PDE3B: variants seen among roughly 807,000 people sequenced by gnomAD.
PDE3B encodes the protein phosphodiesterase 3B, also known as cGMP-inhibited 3',5'-cyclic phosphodiesterase 3B.
In PDE3B, 66 loss-of-function variants were observed where a neutral mutation model predicts 116.8. That is an observed-to-expected ratio of 0.56 (90% CI 0.46 to 0.69). PDE3B has a LOEUF of 0.69. PDE3B is among the 30% of genes least tolerant of loss of function. PDE3B has a pLI of 0.00. For missense variants in PDE3B, 1,384 were observed against 1,368.1 expected (o/e 1.01, Z -0.18); for synonymous variants, 595 against 533.6 (o/e 1.12, Z -1.59).
rs1857971008 is a variant in PDE3B at position 14,780,851 on chromosome 11, C to T, written c.1030-5586C>T. ...TGAAGGAGATAGAGACACAAAAAAC[C>T]CTTCAAAAAATCAATGAATCCAGGA... is the stretch of plus-strand genomic sequence containing the variant. On this transcript the variant is annotated intron_variant, in intron 2 of 15. Transcript: ENST00000282096. 2.6e-5 allele frequency among the ~76,000 whole-genome samples: 4 copies of T among 151,944 alleles called. No homozygotes were observed. The South Asian group carries it at 6.2e-4, about 24-fold the overall frequency.
chr11:14,664,312 T>C (rs1359434599), intron 1 of PDE3B, among the ~76,000 whole-genome samples: 1 of 151,656 alleles, frequency 6.6e-6, no homozygotes, highest in African/African-American at 2.4e-5. Context: ...CAAGAGAAAG[T>C]AGGAAAGATC....
In PDE3B at chr11:14,819,189, A is replaced by T. The variant is rs762289656; in HGVS notation, c.1787A>T (p.Asp596Val). 6.3e-7 allele frequency: 1 copy of T among 1,591,494 alleles called. No individual in the cohort carries two copies. The highest frequency in any genetic ancestry group is 8.6e-7 in the Non-Finnish European group (1 of 1,164,678). Residue 596 changes from aspartate to valine, a missense_variant, in exon 7 of 16, where the codon GAT becomes GTT. Asp to Val is a radical substitution (Grantham distance 152). Transcript: ENST00000282096. ...TCAACATCTGAATCAGATGGTACAG[A>T]TTGCTGCAGTGGAAAATCAGGTGAG... is the stretch of plus-strand genomic sequence containing the variant. ...YVSTSESDGT[D>V]CCSGKSGEEE...
intron 4 of PDE3B, among the ~76,000 whole-genome samples, chr11:14,793,662 G>GA (rs1463089683): frequency 1.3e-5 from 2 of 151,972 alleles, no homozygotes; most frequent in Non-Finnish European, 2.9e-5. Flanking sequence ...TTTCCCTGGG[G>GA]AAAAAAATAG....
chr11:14,869,285 G>C (rs1442256367), intron 15 of PDE3B, among the ~76,000 whole-genome samples, 176 bp from the exon 16 acceptor site: 1 of 151,574 alleles, frequency 6.6e-6, no homozygotes, highest in African/African-American at 2.4e-5. Flanking sequence ...ACACCATAAC[G>C]CAGGGATTAT....
chr11:14,851,023 CTG>C (rs900829232), intron 12 of PDE3B, among the ~76,000 whole-genome samples: 4 of 143,230 alleles, frequency 2.8e-5, no homozygotes, highest in African/African-American at 1.0e-4. Context: ...CGGGGTTTCA[CTG>C]TGTTAGCCGG....
Position 14,843,928 on chromosome 11 carries a change from GCATTA to G in PDE3B, c.2423_2427del (p.Ala808GlyfsTer13), listed in dbSNP as rs761651832. On this transcript the variant is annotated frameshift_variant, in exon 12 of 16. Transcript: ENST00000282096. LOFTEE classifies it high-confidence loss of function. ...TGGCTGCCTGTCTTCAAACATTCCT[GCATTA>G]GAATTGATGGCTCTATACGTGGCAG... 1 of 1,614,008 alleles carries G rather than the reference GCATTA, an allele frequency of 6.2e-7. No individual in the cohort carries two copies. The highest frequency in any genetic ancestry group is 8.5e-7 in the Non-Finnish European group (1 of 1,179,900).
intron 2 of PDE3B, among the ~76,000 whole-genome samples, chr11:14,782,130 T>C (rs550389850): frequency 2.9e-4 from 44 of 152,246 alleles, no homozygotes; most frequent in African/African-American, 1.1e-3. Flanking sequence ...CAAGGAGAAC[T>C]ACAAACCACT....
intron 4 of PDE3B, among the ~76,000 whole-genome samples, chr11:14,792,431 G>T (rs965908580): frequency 5.3e-5 from 8 of 152,034 alleles, no homozygotes; most frequent in African/African-American, 1.7e-4. Context: ...TACCCTATTT[G>T]TGTAAAGAAT....
chr11:14,645,131 T>G, intron 1 of PDE3B, 78 bp downstream of exon 1: 2 of 907,582 alleles, frequency 2.2e-6, no homozygotes, highest in Non-Finnish European at 2.9e-6. Flanking sequence ...TGAATTCGCT[T>G]ATTTCAAAGC....
chr11:14,810,606 T>C (rs1427627082), intron 5 of PDE3B, among the ~76,000 whole-genome samples: 3 of 151,454 alleles, frequency 2.0e-5, no homozygotes, highest in Admixed American at 2.0e-4. Context: ...TTTGCTATTG[T>C]GAATAATGCC....
chr11:14,781,763 C>G (rs1299146191), intron 2 of PDE3B, among the ~76,000 whole-genome samples: 2 of 152,102 alleles, frequency 1.3e-5, no homozygotes, highest in Non-Finnish European at 2.9e-5. Context: ...GACAGGGGTG[C>G]CTCTCTCTCA....
chr11:14,777,786 G>C (rs1231225995), intron 2 of PDE3B, among the ~76,000 whole-genome samples: 1 of 152,102 alleles, frequency 6.6e-6, no homozygotes, highest in African/African-American at 2.4e-5. Context: ...TCATCTCTCT[G>C]GGGCTTGTCA....
At chr11:14,648,237 T>C (rs895459639) in intron 1 of PDE3B, among the ~76,000 whole-genome samples, 1 of 152,088 alleles carries the variant, frequency 6.6e-6, no homozygotes, top group Non-Finnish European at 1.5e-5. Flanking sequence ...TAAGTTAGTG[T>C]GTGAGATATT....
intron 1 of PDE3B, among the ~76,000 whole-genome samples, chr11:14,747,685 A>G (rs891083970): frequency 9.9e-5 from 15 of 152,124 alleles, no homozygotes; most frequent in Non-Finnish European, 1.0e-4. Flanking sequence ...TGATGGTGGG[A>G]TGTGTGTGTA....
At chr11:14,661,377 G>A (rs529995505) in intron 1 of PDE3B, among the ~76,000 whole-genome samples, 3 of 152,348 alleles carry the variant, frequency 2.0e-5, no homozygotes, top group Admixed American at 6.5e-5. Context: ...CAGCGTGAGC[G>A]ACGCAAAAGA....
the PDE3B span, chr11:14,885,917 TC>T: frequency 6.2e-7 from 1 of 1,613,214 alleles, no homozygotes. Flanking sequence ...AAACTGAAGA[TC>T]TTTGAGAAGA....
At chr11:14,806,858 C>CAAAAAAAAA (rs953411145) in intron 5 of PDE3B, among the ~76,000 whole-genome samples, 1,242 of 40,510 alleles carry the variant, frequency 0.031, no homozygotes, top group Non-Finnish European at 0.038. Flanking sequence ...GACTCCGTCT[C>CAAAAAAAAA]AAAAAAAAAA....
intron 3 of PDE3B, among the ~76,000 whole-genome samples, chr11:14,788,015 G>T (rs1388267525): frequency 6.6e-6 from 1 of 151,946 alleles, no homozygotes; most frequent in African/African-American, 2.4e-5. Context: ...TAAACAGGAT[G>T]CCTAAATGCC....
rs564139879 is a variant in PDE3B at position 14,703,770 on chromosome 11, T to TTGTG, written c.978+58734_978+58737dup. Among the ~76,000 whole-genome samples, 59 of 149,360 alleles carry TTGTG rather than the reference T, an allele frequency of 4.0e-4. 1 individual carries two copies. The highest frequency in any genetic ancestry group is 5.6e-4 in the African/African-American group (23 of 40,916). On this transcript the variant is annotated intron_variant, in intron 1 of 15. Coordinates refer to ENST00000282096, the MANE Select transcript of PDE3B (RefSeq NM_000922.4). ...AACTACCCAGTTTAGGCCCGGTTGT[T>TTGTG]TGTGTGTGTGTGTGTGTGTGAGACA...
Sources: allele counts gnomAD v4.1 joint callset (sites outside exome capture counted in the v4.1 genomes callset), GRCh38; gene constraint gnomAD v4.1.1; transcripts MANE v1.5; gene names NCBI Gene and HGNC (gene_info 2026-07-23, HGNC 2026-07-21).